Variants in MYH15 observed in about 807,000 individuals in gnomAD.
MYH15 encodes myosin-15.
A neutral mutation model predicts 240.5 loss-of-function variants in MYH15; 227 were observed. The ratio of observed to expected loss-of-function variants is 0.94; its 90% CI spans 0.85 to 1.05. The LOEUF is 1.05. MYH15 is among the 50% of genes least tolerant of loss of function. The probability of loss-of-function intolerance (pLI) is 0.00; values close to 1 mark genes in which losing one functional copy is unlikely to be tolerated. For missense variants in MYH15, 2,217 were observed against 2,247.5 expected, an observed-to-expected ratio of 0.99 and a Z score of 0.27; for synonymous variants, 785 against 796.7, an observed-to-expected ratio of 0.99 and a Z score of 0.25.
chr3:108,439,613 A>G (rs1560366426), intron 24 of MYH15, 124 bp downstream of exon 24: 1 of 859,232 alleles, frequency 1.2e-6, no homozygotes, highest in South Asian at 2.9e-5. Flanking sequence ...ATTCTCAATA[A>G]TCAGGAAAAC....
chr3:108,532,106 T>C (rs1285866537), upstream of MYH15, among the ~76,000 whole-genome samples: 3 of 152,064 alleles, frequency 2.0e-5, no homozygotes, highest in Admixed American at 1.3e-4. Flanking sequence ...AAAATTAAAA[T>C]AGAACATTTT....
At chr3:108,422,469 G>A (rs2082691392) in intron 27 of MYH15, among the ~76,000 whole-genome samples, 1 of 152,140 alleles carries the variant, frequency 6.6e-6, no homozygotes, top group Non-Finnish European at 1.5e-5. Flanking sequence ...ACCCGCCTCA[G>A]CTTCCCAAAG....
At chr3:108,448,356 G>A (rs1469753671) in intron 21 of MYH15, among the ~76,000 whole-genome samples, 1 of 152,014 alleles carries the variant, frequency 6.6e-6, no homozygotes, top group Non-Finnish European at 1.5e-5. Context: ...GCCAACAGGA[G>A]ACATACTTTA....
chr3:108,478,209 T>C (rs1457437629), intron 11 of MYH15, among the ~76,000 whole-genome samples: 1 of 152,204 alleles, frequency 6.6e-6, no homozygotes, highest in East Asian at 1.9e-4. Flanking sequence ...AATTTCCTTT[T>C]CACAGCCTTT....
chr3:108,510,733 A>G, upstream of MYH15: 1 of 782,104 alleles, frequency 1.3e-6, no homozygotes, highest in Non-Finnish European at 2.0e-6. Flanking sequence ...GCTATGTCTC[A>G]AATTTATACA....
At chr3:108,411,726 G>A (rs967828142) in intron 30 of MYH15, among the ~76,000 whole-genome samples, 1 of 152,162 alleles carries the variant, frequency 6.6e-6, no homozygotes, top group African/African-American at 2.4e-5. Flanking sequence ...ATACTTCTTA[G>A]ATGAAAAGTA....
chr3:108,523,584 G>GT (rs990747900), intron 1 of MYH15, among the ~76,000 whole-genome samples: 2 of 151,686 alleles, frequency 1.3e-5, no homozygotes, highest in Non-Finnish European at 2.9e-5. Context: ...AAAGCTTGGG[G>GT]TTTTTTTGCT....
intron 25 of MYH15, among the ~76,000 whole-genome samples, chr3:108,431,187 T>C (rs149245575): frequency 1.3e-5 from 2 of 152,376 alleles, no homozygotes; most frequent in African/African-American, 4.8e-5. Context: ...TGTTTAATTA[T>C]GTTTTAAATT....
chr3:108,521,397 TA>T (rs11359459), intron 1 of MYH15, among the ~76,000 whole-genome samples: 26,839 of 144,900 alleles, frequency 0.19, 2,475 homozygotes, highest in Non-Finnish European at 0.23. Flanking sequence ...GAAATGATGT[TA>T]AAAAAAAAAA....
chr3:108,402,854 G>T (rs1030811023), intron 33 of MYH15, among the ~76,000 whole-genome samples: 1 of 152,160 alleles, frequency 6.6e-6, no homozygotes, highest in African/African-American at 2.4e-5. Flanking sequence ...TGACTAACAT[G>T]GCAATTATGG....
rs966093047 is a variant in MYH15 at position 108,503,754 on chromosome 3, T to A, written c.196-1899A>T. On this transcript the variant is annotated intron_variant, in intron 2 of 40. Transcript: ENST00000693548. ...AAAGCAGTATGGAAATTTCTCAAAA[T>A]GCTTAGTATAGAGTTACTATATGAT... is the stretch of plus-strand genomic sequence containing the variant. Among the ~76,000 whole-genome samples the A allele has an allele frequency of 9.3e-4, 141 of 152,292 alleles. 1 individual carries two copies. Among genetic ancestry groups the A allele is most frequent in the African/African-American group, 3.3e-3 (137 of 41,566 alleles).
chr3:108,410,242 A>G (rs550113389), intron 31 of MYH15, among the ~76,000 whole-genome samples: 4 of 152,350 alleles, frequency 2.6e-5, no homozygotes, highest in African/African-American at 4.8e-5. Flanking sequence ...CATATATGAA[A>G]AAAAGGTGTA....
chr3:108,447,984 T>C (rs1049452455), intron 21 of MYH15, among the ~76,000 whole-genome samples: 1 of 152,080 alleles, frequency 6.6e-6, no homozygotes, highest in African/African-American at 2.4e-5. Context: ...CAAGATAAGT[T>C]AAAATTAAGA....
upstream of MYH15, among the ~76,000 whole-genome samples, chr3:108,534,082 GC>G (rs1297866652): frequency 6.6e-6 from 1 of 152,122 alleles, no homozygotes; most frequent in Non-Finnish European, 1.5e-5. Flanking sequence ...TCACTACCAG[GC>G]ATTTCTTGTC....
At chr3:108,522,952 T>G (rs2083632832) in intron 1 of MYH15, among the ~76,000 whole-genome samples, 1 of 152,098 alleles carries the variant, frequency 6.6e-6, no homozygotes, top group Non-Finnish European at 1.5e-5. Flanking sequence ...GAAAAAATCC[T>G]CTCACTTCCA....
At chr3:108,421,679 G>A (rs1037050270) in intron 27 of MYH15, among the ~76,000 whole-genome samples, 2 of 152,174 alleles carry the variant, frequency 1.3e-5, no homozygotes, top group Non-Finnish European at 2.9e-5. Context: ...AGAGGCAGAC[G>A]AAGGGGAAGG....
the MYH15 span, among the ~76,000 whole-genome samples, chr3:108,540,698 T>C: frequency 1.3e-5 from 2 of 152,184 alleles, no homozygotes; most frequent in Admixed American, 6.5e-5. Context: ...AAAGTGAGCA[T>C]TGTGCTTAAT....
chr3:108,538,777 T>C, the MYH15 span, among the ~76,000 whole-genome samples: 1 of 152,204 alleles, frequency 6.6e-6, no homozygotes, highest in Non-Finnish European at 1.5e-5. Flanking sequence ...TGTGTTGCTA[T>C]AACAGAATAC....
chr3:108,510,497 A>G lies in MYH15; in HGVS notation c.34T>C (p.Phe12Leu). Reference sequence around the variant, plus strand: ...AGCTCAGCTTCACTTCTTCTGAGGAAGGCTGCGGCTTCTCCAAGGTCTGAC... The same window carrying G: ...AGCTCAGCTTCACTTCTTCTGAGGAGGGCTGCGGCTTCTCCAAGGTCTGAC... ...DLSDLGEAAA[F>L]LRRSEAELLL... The change falls in exon 1 of 41, where the codon TTC (phenylalanine) becomes CTC (leucine). Residue 12 changes from phenylalanine (F) to leucine (L), a missense_variant. By Grantham distance (22) the Phe-to-Leu change is conservative. Transcript: ENST00000693548. 6.2e-7 allele frequency: 1 copy of G among 1,613,614 alleles called. No individual in the cohort carries two copies. The highest frequency in any genetic ancestry group is 1.1e-5 in the South Asian group (1 of 91,010).
Sources: allele counts gnomAD v4.1 joint callset (sites outside exome capture counted in the v4.1 genomes callset), GRCh38; gene constraint gnomAD v4.1.1; transcripts MANE v1.5; gene names NCBI Gene and HGNC (gene_info 2026-07-23, HGNC 2026-07-21).